The following BICC1 variants were observed in gnomAD, a reference collection of about 807,000 sequenced individuals.
The protein encoded by BICC1 is protein bicaudal C homolog 1.
In BICC1, 43 loss-of-function variants were observed where a neutral mutation model predicts 111.0. The ratio of observed to expected loss-of-function variants is 0.39; its 90% CI spans 0.30 to 0.50. BICC1 has a LOEUF of 0.50. Among genes scored for constraint, BICC1 ranks in the 20% least tolerant of loss-of-function variants. BICC1 has a pLI of 0.88. For missense variants in BICC1, 1,091 were observed against 1,203.2 expected (o/e 0.91, Z 1.38); for synonymous variants, 467 against 434.4 (o/e 1.07, Z -0.93).
At chr10:58,519,141 C>G (rs1328736815) in intron 1 of BICC1, among the ~76,000 whole-genome samples, 1 of 152,186 alleles carries the variant, frequency 6.6e-6, no homozygotes, top group African/African-American at 2.4e-5. Flanking sequence ...CTTCCCTCTT[C>G]CCTGCCTCCA....
intron 1 of BICC1, among the ~76,000 whole-genome samples, chr10:58,538,505 C>G (rs988346674): frequency 6.6e-6 from 1 of 151,696 alleles, no homozygotes; most frequent in Non-Finnish European, 1.5e-5. Flanking sequence ...AGACCTGAAA[C>G]CATGAAAATT....
At chr10:58,626,999 G>A (rs138324757) in intron 2 of BICC1, among the ~76,000 whole-genome samples, 1,800 of 152,238 alleles carry the variant, frequency 0.012, 33 homozygotes, top group African/African-American at 0.041. Context: ...CTACTCGGGA[G>A]GCTGAGGCAG....
At chr10:58,805,856 A>G (rs941596198) in intron 15 of BICC1, among the ~76,000 whole-genome samples, 1 of 152,220 alleles carries the variant, frequency 6.6e-6, no homozygotes, top group Admixed American at 6.5e-5. Context: ...AAGATTTGAA[A>G]TGTAGCTGTA....
intron 17 of BICC1, among the ~76,000 whole-genome samples, chr10:58,813,027 T>C (rs1280903569): frequency 1.3e-5 from 2 of 152,038 alleles, no homozygotes; most frequent in Non-Finnish European, 2.9e-5. Context: ...AAGAAAGAAA[T>C]TTTTAAAGGA....
At chr10:58,601,169 T>A (rs1564506876) in intron 1 of BICC1, among the ~76,000 whole-genome samples, 1 of 136,580 alleles carries the variant, frequency 7.3e-6, no homozygotes, top group Non-Finnish European at 1.6e-5. Flanking sequence ...TATATATATA[T>A]ATCTCCCAAT....
intron 2 of BICC1, among the ~76,000 whole-genome samples, chr10:58,626,960 T>C (rs1837651089): frequency 6.6e-6 from 1 of 152,080 alleles, no homozygotes; most frequent in Non-Finnish European, 1.5e-5. Context: ...CAAAGTTAGC[T>C]GGGCGATGGT....
At chr10:58,640,869 A>G (rs1291590436) in intron 2 of BICC1, among the ~76,000 whole-genome samples, 3 of 152,234 alleles carry the variant, frequency 2.0e-5, no homozygotes, top group Admixed American at 1.3e-4. Context: ...TCAATTTTTA[A>G]ACAAAATAAT....
chr10:58,750,139 T>G (rs1456522404), intron 3 of BICC1, among the ~76,000 whole-genome samples: 2 of 152,050 alleles, frequency 1.3e-5, no homozygotes, highest in Non-Finnish European at 2.9e-5. Context: ...GGCAAGTAGA[T>G]GGAGTCAATG....
intron 2 of BICC1, among the ~76,000 whole-genome samples, chr10:58,693,258 C>T (rs566029942): frequency 5.3e-5 from 8 of 152,138 alleles, no homozygotes; most frequent in Non-Finnish European, 1.2e-4. Context: ...TCCAGTCTAT[C>T]GTTGTTGGAC....
At position 58,803,241 on chromosome 10, in the gene BICC1, A is replaced by C; in HGVS notation, c.2180A>C (p.Gln727Pro). The C allele has an allele frequency of 6.3e-7, 1 of 1,584,254 alleles. No homozygotes were observed. The highest frequency in any genetic ancestry group is 8.6e-7 in the Non-Finnish European group (1 of 1,163,820). The change falls in exon 15 of 21, where the codon CAG becomes CCG. Residue 727 changes from glutamine (Q) to proline (P), a missense_variant and splice_region_variant. Transcript: ENST00000373886. ...LAPRSSYVNM[Q>P]AFDYEQKKLL... ...CCACGGTCATCATATGTCAACATGC[A>C]GGTAATGGTAATAAAATAGGAAAGC...
At chr10:58,702,016 C>G in intron 2 of BICC1, 58 bp from the exon 3 acceptor site, 1 of 1,321,966 alleles carries the variant, frequency 7.6e-7, no homozygotes, top group Non-Finnish European at 1.1e-6. Context: ...TGTGAAAAAT[C>G]TTATCTGTAA....
intron 2 of BICC1, among the ~76,000 whole-genome samples, chr10:58,645,475 G>A (rs1020549619): frequency 2.6e-5 from 4 of 151,214 alleles, no homozygotes; most frequent in Admixed American, 6.6e-5. Flanking sequence ...TTGGCATTTT[G>A]GCAGGTATTT....
At chr10:58,727,928 AT>A (rs1184224542) in intron 3 of BICC1, among the ~76,000 whole-genome samples, 2 of 152,226 alleles carry the variant, frequency 1.3e-5, no homozygotes, top group Non-Finnish European at 2.9e-5. Flanking sequence ...GTGCAATAGC[AT>A]TGTGTCTTTA....
At chr10:58,700,227 T>G in intron 2 of BICC1, among the ~76,000 whole-genome samples, 1 of 150,922 alleles carries the variant, frequency 6.6e-6, no homozygotes, top group East Asian at 2.0e-4. Context: ...GGTGTGAGAG[T>G]AGAAAAGGAT....
chr10:58,683,675 T>G lies in BICC1; in HGVS notation c.238-18399T>G, dbSNP rs191983710. Among the ~76,000 whole-genome samples, 1,117 of 152,306 alleles carry G rather than the reference T, an allele frequency of 7.3e-3. 8 individuals are homozygous for G. The highest frequency in any genetic ancestry group is 0.011 in the Non-Finnish European group (724 of 68,018). On this transcript the variant is annotated intron_variant, in intron 2 of 20. Transcript: ENST00000373886. ...TAGGAGTTCACTCATGATTTGGCTG[T>G]CTGTCTGTTATTGGTGTATAGGAGT...
intron 9 of BICC1, among the ~76,000 whole-genome samples, chr10:58,795,776 A>G (rs1342058500): frequency 2.0e-5 from 3 of 152,268 alleles, no homozygotes; most frequent in African/African-American, 7.2e-5. Flanking sequence ...AAGCTTTGCC[A>G]TAGATATGTC....
chr10:58,568,139 T>A (rs1843828721), intron 1 of BICC1, among the ~76,000 whole-genome samples: 1 of 152,168 alleles, frequency 6.6e-6, no homozygotes, highest in Non-Finnish European at 1.5e-5. Flanking sequence ...ACAGTGAGAC[T>A]CCAGTCTCTA....
At chr10:58,784,366 ACT>A (rs1385148758) in intron 3 of BICC1, among the ~76,000 whole-genome samples, 1 of 152,176 alleles carries the variant, frequency 6.6e-6, no homozygotes, top group Non-Finnish European at 1.5e-5. Flanking sequence ...AATATTAGTC[ACT>A]CAATACTAAT....
chr10:58,818,525 G>A (rs1379362468), intron 19 of BICC1, among the ~76,000 whole-genome samples: 1 of 152,116 alleles, frequency 6.6e-6, no homozygotes. Context: ...TTCTAGGCAC[G>A]TGTCAGTTAA....
Sources: gnomAD v4.1 joint callset for allele counts (sites outside exome capture counted in the v4.1 genomes callset) on GRCh38, gnomAD v4.1.1 for gene constraint, MANE v1.5 for transcripts, NCBI Gene and HGNC (gene_info 2026-07-23, HGNC 2026-07-21) for gene names.